The following APOBEC3F variants were observed in gnomAD, a reference collection of about 807,000 sequenced individuals.
APOBEC3F encodes DNA dC->dU-editing enzyme APOBEC-3F.
Under a neutral mutation model 45.8 loss-of-function variants are expected in APOBEC3F, and 34 were observed. The observed-to-expected ratio is 0.74, with a 90% CI of 0.57 to 0.99. The LOEUF (loss-of-function observed/expected upper bound fraction) is 0.99. Ranked by LOEUF, APOBEC3F falls within the 50% of genes least tolerant of loss-of-function variation. The pLI is 0.00. For missense variants in APOBEC3F, 459 were observed against 474.1 expected (o/e 0.97, Z 0.30); for synonymous variants, 192 against 174.4 (o/e 1.10, Z -0.80).
intron 4 of APOBEC3F, among the ~76,000 whole-genome samples, chr22:39,046,576 G>C (rs186621702): frequency 1.3e-5 from 2 of 151,894 alleles, no homozygotes; most frequent in Non-Finnish European, 2.9e-5. Flanking sequence ...GATGCAGAAA[G>C]AGCCAAACAA....
At position 39,053,544 on chromosome 22, in the gene APOBEC3F, G is replaced by A. The variant is rs1927597661; in HGVS notation, c.*849G>A. On this transcript the variant is annotated 3_prime_UTR_variant, in exon 7 of 7. Transcript: ENST00000308521. ...GTGGGAGGATTGCTTGAGCCGGGGA[G>A]GTGGAGGCTGCAGTGAACTGAGATC... 1 of 152,126 alleles carries A rather than the reference G, an allele frequency of 6.6e-6. No homozygotes were observed. The highest frequency in any genetic ancestry group is 2.1e-4 in the South Asian group (1 of 4,832). The allele number at this position is 152,126 out of a possible 1,614,324, so 9.4% of individuals were successfully genotyped here.
At position 39,045,274 on chromosome 22, in the gene APOBEC3F, G is replaced by T; in HGVS notation, c.451+54G>T. ...GAGCGGGAGGAACAGCATGAAAGAT[G>T]GATGGATCTGCAATGCCATGGCTGG... On this transcript the variant is annotated intron_variant, in intron 3 of 6. Coordinates refer to ENST00000308521, the MANE Select transcript of APOBEC3F (RefSeq NM_145298.6). 2.5e-6 allele frequency: 4 copies of T among 1,596,180 alleles called. No homozygotes were observed. The South Asian group carries it at 4.6e-5, about 18-fold the overall frequency.
Position 39,055,674 on chromosome 22 carries a change from C to A in APOBEC3F, c.*2979C>A, listed in dbSNP as rs1475892091. On this transcript the variant is annotated 3_prime_UTR_variant, in exon 7 of 7. Transcript: ENST00000308521. ...TGGCCAGACTGTTTGGCGCTGCTACCTGGGCCTGGTAGTTAAAGATCAACT... is the reference window on the plus strand; with the variant it reads ...TGGCCAGACTGTTTGGCGCTGCTACATGGGCCTGGTAGTTAAAGATCAACT... Among the ~76,000 whole-genome samples the A allele has an allele frequency of 1.3e-5, 2 of 152,182 alleles. No homozygotes were observed. The highest frequency in any genetic ancestry group is 2.4e-5 in the African/African-American group (1 of 41,428).
Position 39,052,582 on chromosome 22 carries a change from A to G in APOBEC3F, c.1009A>G (p.Lys337Glu), listed in dbSNP as rs766335878. The G allele has an allele frequency of 4.3e-6, 7 of 1,612,508 alleles. No homozygotes were observed. Among genetic ancestry groups the G allele is most frequent in the Admixed American group, 1.7e-5 (1 of 59,756 alleles). Reference protein sequence around the residue: ...SVEIMGYKDFKYCWENFVYND... With the variant: ...SVEIMGYKDFEYCWENFVYND... ...TTCTCCTTGTTTTTTCTCAGATTTT[A>G]AATATTGTTGGGAAAACTTTGTGTA... Residue 337 changes from lysine (K) to glutamate (E), a missense_variant, in exon 7 of 7, where the codon AAA becomes GAA. Lys to Glu is a moderately conservative substitution (Grantham distance 56). Coordinates refer to ENST00000308521, the MANE Select transcript of APOBEC3F (RefSeq NM_145298.6).
intron 5 of APOBEC3F, 123 bp downstream of exon 5, chr22:39,049,704 T>A: frequency 9.0e-7 from 1 of 1,113,292 alleles, no homozygotes; most frequent in Non-Finnish European, 1.2e-6. Context: ...CATTTCTTTT[T>A]TTTTTTTTTT....
intron 1 of APOBEC3F, 117 bp from the exon 2 acceptor site, chr22:39,042,820 C>T (rs1015129025): frequency 1.4e-6 from 2 of 1,467,642 alleles, no homozygotes; most frequent in Non-Finnish European, 1.8e-6. Context: ...ATTCTCAGGG[C>T]TGTGGAGGGG....
At chr22:39,049,699 C>CTTTTTT in intron 5 of APOBEC3F, 118 bp downstream of exon 5, 2 of 826,702 alleles carry the variant, frequency 2.4e-6, no homozygotes, top group South Asian at 2.0e-5. Flanking sequence ...TCTTACATTT[C>CTTTTTT]TTTTTTTTTT....
In APOBEC3F at chr22:39,041,015, G is replaced by T. The variant is rs1049195854; in HGVS notation, c.17+38G>T. 2.5e-6 allele frequency: 4 copies of T among 1,572,706 alleles called. No homozygotes were observed. The African/African-American group carries it at 5.4e-5, about 21-fold the overall frequency. ...GCTCTACCCGCTGGGCCCCTCTGCT[G>T]CCCCTTCCTGCCTGGTGGCTCTGCT... On this transcript the variant is annotated intron_variant, in intron 1 of 6. Transcript: ENST00000308521.
Position 39,040,920 on chromosome 22 carries a change from T to G in APOBEC3F, c.-41T>G. ...CCTGGAGCAGAAAGTGAAACCCTGG[T>G]GCTCCAGACAAAGATCTTAGTCGGG... On this transcript the variant is annotated 5_prime_UTR_variant, in exon 1 of 7. Transcript: ENST00000308521. The G allele has an allele frequency of 6.4e-7, 1 of 1,560,246 alleles. No individual in the cohort carries two copies. Among genetic ancestry groups the G allele is most frequent in the Non-Finnish European group, 8.7e-7 (1 of 1,151,402 alleles).
intron 4 of APOBEC3F, among the ~76,000 whole-genome samples, chr22:39,048,633 C>T (rs1278158344): frequency 1.3e-5 from 2 of 151,880 alleles, no homozygotes; most frequent in Non-Finnish European, 2.9e-5. Flanking sequence ...TGATGAAACC[C>T]CATCTCTACT....
chr22:39,049,403 G>A, intron 4 of APOBEC3F, 22 bp from the exon 5 acceptor site: 1 of 1,612,600 alleles, frequency 6.2e-7, no homozygotes, highest in Non-Finnish European at 8.5e-7. Flanking sequence ...TCTGCATTGG[G>A]GTTTCTCTAT....
At position 39,052,693 on chromosome 22, in the gene APOBEC3F, TGAGG is replaced by T; in HGVS notation, c.1122_*3del. The T allele has an allele frequency of 6.2e-7, 1 of 1,612,324 alleles. No homozygotes were observed. The highest frequency in any genetic ancestry group is 8.5e-7 in the Non-Finnish European group (1 of 1,178,814). ...CAGCAAGCTGCAGGAGATTCTCGAG[TGAGG>T]GGTCTCCCCGGGCCTCATGGTCTGT... On this transcript the variant is annotated stop_lost and 3_prime_UTR_variant, in exon 7 of 7. Coordinates refer to ENST00000308521, the MANE Select transcript of APOBEC3F (RefSeq NM_145298.6).
chr22:39,054,996 G>T lies in APOBEC3F; in HGVS notation c.*2301G>T, dbSNP rs1927645415. Among the ~76,000 whole-genome samples, 1 of 152,116 alleles carries T rather than the reference G, an allele frequency of 6.6e-6. No individual in the cohort carries two copies. The highest frequency in any genetic ancestry group is 1.5e-5 in the Non-Finnish European group (1 of 68,028). On this transcript the variant is annotated 3_prime_UTR_variant, in exon 7 of 7. Coordinates refer to ENST00000308521, the MANE Select transcript of APOBEC3F (RefSeq NM_145298.6). Reference sequence around the variant, plus strand: ...GAGGCCGCTCCTCCTGGATGGCAGGGATCCCTTCTGGCTGTGTCCTCTGTG... The same window carrying T: ...GAGGCCGCTCCTCCTGGATGGCAGGTATCCCTTCTGGCTGTGTCCTCTGTG...
chr22:39,048,760 T>C (rs181229060), intron 4 of APOBEC3F, among the ~76,000 whole-genome samples: 15 of 152,214 alleles, frequency 9.9e-5, no homozygotes, highest in Non-Finnish European at 1.9e-4. Context: ...TGAGCCGAGA[T>C]TGTGCCACTG....
In APOBEC3F at chr22:39,043,032, A is replaced by G; in HGVS notation, c.113A>G (p.Glu38Gly). The change falls in exon 2 of 7, where the codon GAA (glutamate) becomes GGA (glycine). Residue 38 changes from glutamate to glycine, a missense_variant. Coordinates refer to ENST00000308521, the MANE Select transcript of APOBEC3F (RefSeq NM_145298.6). ...CGGAATACCGTCTGGCTGTGCTACG[A>G]AGTGAAAACAAAGGGTCCCTCAAGG... Reference protein sequence around the residue: ...SRRNTVWLCYEVKTKGPSRPR... With the variant: ...SRRNTVWLCYGVKTKGPSRPR... The G allele has an allele frequency of 6.2e-7, 1 of 1,614,156 alleles. No individual in the cohort carries two copies. The highest frequency in any genetic ancestry group is 8.5e-7 in the Non-Finnish European group (1 of 1,180,034).
rs373546502 is a variant in APOBEC3F at position 39,042,943 on chromosome 22, A to C, written c.24A>C (p.Thr8=). The change falls in exon 2 of 7, where the codon ACA becomes ACC. Residue 8 remains threonine (T), a synonymous_variant. Transcript: ENST00000308521. MKPHFRN[T]VERMYRDTFS... Reference sequence around the variant, plus strand: ...TTCTCTCTTGTGTCTTCAGAAACACAGTGGAGCGAATGTATCGAGACACAT... The same window carrying C: ...TTCTCTCTTGTGTCTTCAGAAACACCGTGGAGCGAATGTATCGAGACACAT... The C allele has an allele frequency of 1.9e-6, 3 of 1,613,672 alleles. No homozygotes were observed. The African/African-American group carries it at 4.0e-5, about 22-fold the overall frequency.
At chr22:39,041,224 G>A (rs1926872201) in intron 1 of APOBEC3F, among the ~76,000 whole-genome samples, 1 of 151,834 alleles carries the variant, frequency 6.6e-6, no homozygotes, top group African/African-American at 2.4e-5. Context: ...ACTCTCCCCC[G>A]CCACCGAAAG....
intron 1 of APOBEC3F, among the ~76,000 whole-genome samples, chr22:39,041,490 C>T (rs1479921509): frequency 6.6e-6 from 1 of 152,114 alleles, no homozygotes; most frequent in Non-Finnish European, 1.5e-5. Flanking sequence ...CCACTGTGGG[C>T]AGAGGAGGAT....
In APOBEC3F at chr22:39,052,986, A is replaced by ATTTTT. The variant is rs201268620; in HGVS notation, c.*292_*293insTTTTT. On this transcript the variant is annotated 3_prime_UTR_variant, in exon 7 of 7. Transcript: ENST00000308521. Reference sequence around the variant, plus strand: ...TTTCCCATCTCCCCAGCATAACCTAATATTTTTTTTTTTTTTTTGAGACGG... The same window carrying ATTTTT: ...TTTCCCATCTCCCCAGCATAACCTAATTTTTTATTTTTTTTTTTTTTTTGAGACGG... 5 of 266,362 alleles carry ATTTTT rather than the reference A, an allele frequency of 1.9e-5. No individual in the cohort carries two copies. The highest frequency in any genetic ancestry group is 1.1e-4 in the East Asian group (1 of 8,986). The allele number at this position is 266,362 out of a possible 1,614,324, so 16.5% of individuals were successfully genotyped here.
Sources: gnomAD v4.1 joint callset for allele counts (sites outside exome capture counted in the v4.1 genomes callset) on GRCh38, gnomAD v4.1.1 for gene constraint, MANE v1.5 for transcripts, NCBI Gene and HGNC (gene_info 2026-07-23, HGNC 2026-07-21) for gene names.